GOSR1: variants seen among roughly 807,000 people sequenced by gnomAD.
GOSR1 encodes 28 kDa Golgi SNARE protein.
A neutral mutation model predicts 35.5 loss-of-function variants in GOSR1; 21 were observed. That is an observed-to-expected ratio of 0.59 (90% CI 0.42 to 0.85). GOSR1 has a LOEUF of 0.85. GOSR1 is among the 40% of genes least tolerant of loss of function. The probability of loss-of-function intolerance (pLI) is 0.00; values close to 1 mark genes in which losing one functional copy is unlikely to be tolerated. For synonymous variants in GOSR1, 94 were observed against 106.6 expected (o/e 0.88, Z 0.73); for missense variants, 285 against 309.6 (o/e 0.92, Z 0.60).
chr17:30,496,748 A>G (rs1967021328), intron 6 of GOSR1, among the ~76,000 whole-genome samples: 2 of 152,242 alleles, frequency 1.3e-5, no homozygotes, highest in South Asian at 4.1e-4. Context: ...TAGGGAAAGC[A>G]ATTGGTAAAA....
At chr17:30,508,224 T>C (rs1967478232) in intron 6 of GOSR1, among the ~76,000 whole-genome samples, 2 of 147,862 alleles carry the variant, frequency 1.4e-5, no homozygotes, top group African/African-American at 2.5e-5. Flanking sequence ...ATTAATAGAT[T>C]GTTTGCTCTT....
chr17:30,477,978 TCCATGACAA>T (rs1914060823), intron 1 of GOSR1: 19 of 972,974 alleles, frequency 2.0e-5, no homozygotes, highest in Middle Eastern at 5.3e-4. Flanking sequence ...TTATTGGGTC[TCCATGACAA>T]CTACAGGTTG....
Position 30,510,925 on chromosome 17 carries a change from T to C in GOSR1, c.539+16T>C. 6.8e-7 allele frequency: 1 copy of C among 1,478,376 alleles called. No homozygotes were observed. The highest frequency in any genetic ancestry group is 1.4e-5 in the African/African-American group (1 of 72,138). The allele number at this position is 1,478,376 out of a possible 1,614,324, so 91.6% of individuals were successfully genotyped here. A position where few individuals can be genotyped will look rare whatever the true frequency, so the allele number is the denominator to read the frequency against. ...AGACAATAAGGTAGGAATAAGTTTTTGTTTTGCTTTGTTGGTTTTTGTTTG... is the reference window on the plus strand; with the variant it reads ...AGACAATAAGGTAGGAATAAGTTTTCGTTTTGCTTTGTTGGTTTTTGTTTG... On this transcript the variant is annotated intron_variant, in intron 7 of 8. Coordinates refer to ENST00000451249, the MANE Select transcript of GOSR1 (RefSeq NM_001007025.2).
chr17:30,495,811 CTGT>C (rs1294831307), intron 6 of GOSR1, among the ~76,000 whole-genome samples: 1 of 152,248 alleles, frequency 6.6e-6, no homozygotes, highest in Admixed American at 6.5e-5. Flanking sequence ...CCAATCCAGT[CTGT>C]TGTTCTACTT....
chr17:30,527,234 T>G lies in GOSR1; in HGVS notation c.*4856T>G, dbSNP rs754259557. Reference sequence around the variant, plus strand: ...AGCCATTCATGATGGTGTGCACCTATAGTCCCAGCTACTCGGAAGGCTGAG... The same window carrying G: ...AGCCATTCATGATGGTGTGCACCTAGAGTCCCAGCTACTCGGAAGGCTGAG... On this transcript the variant is annotated 3_prime_UTR_variant, in exon 9 of 9. Transcript: ENST00000451249. 3 of 152,116 alleles carry G rather than the reference T, an allele frequency of 2.0e-5. No individual in the cohort carries two copies. The highest frequency in any genetic ancestry group is 2.9e-5 in the Non-Finnish European group (2 of 68,042). The allele number at this position is 152,116 out of a possible 1,614,324, so 9.4% of individuals were successfully genotyped here.
intron 7 of GOSR1, among the ~76,000 whole-genome samples, chr17:30,512,047 CAG>C (rs962248038): frequency 1.3e-5 from 2 of 152,182 alleles, no homozygotes; most frequent in East Asian, 1.9e-4. Flanking sequence ...ACTCTAGAAA[CAG>C]AGCTCTATTT....
Position 30,523,137 on chromosome 17 carries a change from C to T in GOSR1, c.*759C>T, listed in dbSNP as rs112801093. On this transcript the variant is annotated 3_prime_UTR_variant, in exon 9 of 9. Transcript: ENST00000451249. ...CCTCCCAAAGTGCCGAGATTGCAGC[C>T]TCTGCCCGGCCGCCACCCCGTCTGG... 400 of 189,924 alleles carry T rather than the reference C, an allele frequency of 2.1e-3. 1 individual carries two copies. The highest frequency in any genetic ancestry group is 8.7e-3 in the African/African-American group (365 of 41,940). 11.8% of individuals were successfully genotyped at this position (189,924 alleles called of 1,614,324 possible).
intron 8 of GOSR1, among the ~76,000 whole-genome samples, chr17:30,520,787 A>G (rs1850163903): frequency 6.6e-6 from 1 of 152,194 alleles, no homozygotes; most frequent in East Asian, 1.9e-4. Context: ...GTCTTTGCCT[A>G]AGGAAAAGAC....
At chr17:30,493,505 A>C (rs1597773845) in intron 6 of GOSR1, among the ~76,000 whole-genome samples, 1 of 152,370 alleles carries the variant, frequency 6.6e-6, no homozygotes, top group East Asian at 1.9e-4. Flanking sequence ...AAATAACATT[A>C]AAATTATCAG....
At chr17:30,519,120 G>A (rs1171338991) in intron 7 of GOSR1, among the ~76,000 whole-genome samples, 1 of 152,020 alleles carries the variant, frequency 6.6e-6, no homozygotes, top group African/African-American at 2.4e-5. Flanking sequence ...GAGTGCAGTG[G>A]CTCCATCACA....
rs188836997 is a variant in GOSR1 at position 30,512,025 on chromosome 17, A to G, written c.539+1116A>G. On this transcript the variant is annotated intron_variant, in intron 7 of 8. Coordinates refer to ENST00000451249, the MANE Select transcript of GOSR1 (RefSeq NM_001007025.2). ...GTATTAAGGATTCAGATCCTGATTC[A>G]GTCTTAGTCCAACTCTAGAAACAGA... Among the ~76,000 whole-genome samples the G allele has an allele frequency of 1.1e-4, 16 of 152,358 alleles. No homozygotes were observed. The East Asian group carries it at 2.7e-3, about 26-fold the overall frequency.
intron 1 of GOSR1, 115 bp from the exon 2 acceptor site, chr17:30,481,028 G>T: frequency 2.9e-6 from 2 of 700,364 alleles, no homozygotes; most frequent in East Asian, 2.8e-5. Flanking sequence ...TTTCTTTATG[G>T]GGGTAACAAG....
chr17:30,510,572 G>C (rs993415734), intron 6 of GOSR1: 59 of 175,596 alleles, frequency 3.4e-4, no homozygotes, highest in Non-Finnish European at 1.9e-4. Flanking sequence ...AAATTAGCCA[G>C]GCATGGTGGC....
intron 6 of GOSR1, among the ~76,000 whole-genome samples, chr17:30,506,999 G>GA (rs991669845): frequency 4.0e-5 from 6 of 151,840 alleles, no homozygotes; most frequent in Admixed American, 6.6e-5. Context: ...CTACTGCTCA[G>GA]AAAAAAAAGA....
At chr17:30,486,386 G>A (rs966840941) in intron 4 of GOSR1, among the ~76,000 whole-genome samples, 4 of 151,882 alleles carry the variant, frequency 2.6e-5, no homozygotes, top group African/African-American at 9.7e-5. Context: ...GCGTGGTGGT[G>A]GGTGCCTGTT....
chr17:30,524,519 C>T lies in GOSR1; in HGVS notation c.*2141C>T, dbSNP rs551485287. The T allele has an allele frequency of 6.9e-6, 1 of 144,836 alleles. No individual in the cohort carries two copies. The highest frequency in any genetic ancestry group is 2.6e-5 in the African/African-American group (1 of 38,942). 9.0% of individuals were successfully genotyped at this position (144,836 alleles called of 1,614,324 possible). A position where few individuals can be genotyped will look rare whatever the true frequency, so the allele number is the denominator to read the frequency against. On this transcript the variant is annotated 3_prime_UTR_variant, in exon 9 of 9. Coordinates refer to ENST00000451249, the MANE Select transcript of GOSR1 (RefSeq NM_001007025.2). ...AAGAATGACAGTCTTATATTTAAGG[C>T]ACCAGTCATTGTTTCCATTTTTTTT...
chr17:30,480,198 T>G (rs969038441), intron 1 of GOSR1: 1 of 151,840 alleles, frequency 6.6e-6, no homozygotes, highest in South Asian at 2.1e-4. Flanking sequence ...TCCCAGCTAC[T>G]TGGGAGGTAG....
intron 6 of GOSR1, among the ~76,000 whole-genome samples, chr17:30,496,130 T>C (rs1966988629): frequency 6.6e-6 from 1 of 152,128 alleles, no homozygotes; most frequent in Admixed American, 6.5e-5. Context: ...TTTCCTATAG[T>C]TGTTAAGGGA....
intron 8 of GOSR1, among the ~76,000 whole-genome samples, 166 bp from the exon 9 acceptor site, chr17:30,522,088 C>T (rs1968057881): frequency 6.6e-6 from 1 of 152,212 alleles, no homozygotes; most frequent in Non-Finnish European, 1.5e-5. Flanking sequence ...GCAGCGCGTT[C>T]CCGGTTTGGG....
Sources: gnomAD v4.1 joint callset for allele counts (sites outside exome capture counted in the v4.1 genomes callset) on GRCh38, gnomAD v4.1.1 for gene constraint, MANE v1.5 for transcripts, NCBI Gene and HGNC (gene_info 2026-07-23, HGNC 2026-07-21) for gene names.